Variants in DLGAP1 observed in about 807,000 individuals in gnomAD.
DLGAP1 encodes DLG associated protein 1, also known as disks large-associated protein 1.
In DLGAP1, 11 loss-of-function variants were observed where a neutral mutation model predicts 90.8. The observed-to-expected ratio is 0.12, with a 90% CI of 0.08 to 0.20. DLGAP1 has a LOEUF of 0.20. Ranked by LOEUF, DLGAP1 falls within the 10% of genes least tolerant of loss-of-function variation. The pLI is 1.00. For synonymous variants in DLGAP1, 558 were observed against 540.7 expected, an observed-to-expected ratio of 1.03 and a Z score of -0.44; for missense variants, 1,050 against 1,333.8, an observed-to-expected ratio of 0.79 and a Z score of 3.31.
At chr18:4,209,636 C>T (rs185994748) in intron 1 of DLGAP1, among the ~76,000 whole-genome samples, 132 of 152,144 alleles carry the variant, frequency 8.7e-4, no homozygotes, top group African/African-American at 3.0e-3. Context: ...TTGAGGGGAA[C>T]AAGAACATGT....
At chr18:3,761,041 GTC>G in intron 5 of DLGAP1, among the ~76,000 whole-genome samples, 1 of 152,284 alleles carries the variant, frequency 6.6e-6, no homozygotes, top group South Asian at 2.1e-4. Context: ...ACATCTGTCT[GTC>G]TCTCTGTCTT....
chr18:3,575,213 T>C (rs2055052182), intron 8 of DLGAP1, among the ~76,000 whole-genome samples: 1 of 152,190 alleles, frequency 6.6e-6, no homozygotes, highest in South Asian at 2.1e-4. Flanking sequence ...TGGACTTATT[T>C]CTTCACATAA....
chr18:3,814,531 A>T (rs2067003531), intron 4 of DLGAP1, among the ~76,000 whole-genome samples: 4 of 151,374 alleles, frequency 2.6e-5, no homozygotes, highest in Admixed American at 2.6e-4. Flanking sequence ...CTGGCTAATT[A>T]TTTGTATTTT....
intron 9 of DLGAP1, among the ~76,000 whole-genome samples, chr18:3,562,622 G>A (rs1284795606): frequency 2.1e-5 from 3 of 141,622 alleles, no homozygotes; most frequent in Non-Finnish European, 4.5e-5. Context: ...TCGGCTCACT[G>A]CAGCTTCCAC....
chr18:4,256,345 A>C (rs2078887245), intron 1 of DLGAP1, among the ~76,000 whole-genome samples: 1 of 152,202 alleles, frequency 6.6e-6, no homozygotes, highest in South Asian at 2.1e-4. Context: ...GGTTACAGTG[A>C]ACTATGACTG....
intron 5 of DLGAP1, among the ~76,000 whole-genome samples, chr18:3,791,387 T>C (rs920529626): frequency 6.6e-6 from 1 of 152,226 alleles, no homozygotes; most frequent in African/African-American, 2.4e-5. Context: ...GTTACTACAA[T>C]GGTGTCAGAA....
intron 2 of DLGAP1, among the ~76,000 whole-genome samples, chr18:4,056,680 G>A (rs761895668): frequency 6.6e-6 from 1 of 152,110 alleles, no homozygotes; most frequent in Non-Finnish European, 1.5e-5. Flanking sequence ...GTCTTATATA[G>A]TCTGGAGAAT....
chr18:4,123,597 G>A (rs1290529783), intron 2 of DLGAP1, among the ~76,000 whole-genome samples: 1 of 152,162 alleles, frequency 6.6e-6, no homozygotes, highest in Non-Finnish European at 1.5e-5. Context: ...TAGAAATGCT[G>A]ATCTACTCTT....
At chr18:4,428,351 C>T (rs546973240) in intron 1 of DLGAP1, among the ~76,000 whole-genome samples, 4 of 152,228 alleles carry the variant, frequency 2.6e-5, no homozygotes, top group East Asian at 1.9e-4. Context: ...GAGGCCAAGG[C>T]GGACGGATCA....
chr18:4,198,589 T>C (rs2077546168), intron 1 of DLGAP1, among the ~76,000 whole-genome samples: 1 of 152,200 alleles, frequency 6.6e-6, no homozygotes, highest in Non-Finnish European at 1.5e-5. Context: ...AACTTTTTAA[T>C]CTCGAAAATG....
At chr18:4,040,106 G>C (rs2074952940) in intron 2 of DLGAP1, among the ~76,000 whole-genome samples, 2 of 152,180 alleles carry the variant, frequency 1.3e-5, no homozygotes, top group African/African-American at 4.8e-5. Context: ...TTGCAGAACA[G>C]CTGTAGCCTA....
At chr18:4,411,999 G>A (rs2082789105) in intron 1 of DLGAP1, among the ~76,000 whole-genome samples, 2 of 152,162 alleles carry the variant, frequency 1.3e-5, no homozygotes, top group Admixed American at 1.3e-4. Context: ...GCTTATATAG[G>A]GAGAATGTCA....
intron 7 of DLGAP1, among the ~76,000 whole-genome samples, chr18:3,650,860 A>G (rs965329095): frequency 6.6e-6 from 1 of 151,814 alleles, no homozygotes; most frequent in Non-Finnish European, 1.5e-5. Flanking sequence ...TGAGGTCAGG[A>G]GTTGGAGACC....
At chr18:4,447,076 G>T (rs545761599) in intron 1 of DLGAP1, among the ~76,000 whole-genome samples, 66 of 152,242 alleles carry the variant, frequency 4.3e-4, no homozygotes, top group South Asian at 3.1e-3. Flanking sequence ...ATTGCTGTTG[G>T]GATCATAAAT....
Position 3,703,974 on chromosome 18 carries a change from A to G in DLGAP1, c.1591+25161T>C, listed in dbSNP as rs552816886. On this transcript the variant is annotated intron_variant, in intron 7 of 12. Coordinates refer to ENST00000315677, the MANE Select transcript of DLGAP1 (RefSeq NM_004746.4). ...AGTTCCCAGAGCAGCAGTCATGGCT[A>G]TATCAGGCAATTATACCATTGGGAA... 2.0e-5 allele frequency among the ~76,000 whole-genome samples: 3 copies of G among 152,342 alleles called. No individual in the cohort carries two copies. The East Asian group carries it at 5.8e-4, about 29-fold the overall frequency.
chr18:4,424,684 G>A (rs996026789), intron 1 of DLGAP1, among the ~76,000 whole-genome samples: 3 of 152,158 alleles, frequency 2.0e-5, no homozygotes, highest in African/African-American at 7.2e-5. Flanking sequence ...ATATCTGAAA[G>A]AGAAAAGTTA....
chr18:4,392,181 C>A lies in DLGAP1; in HGVS notation c.-267+62825G>T, dbSNP rs1168224834. On this transcript the variant is annotated intron_variant, in intron 1 of 12. Transcript: ENST00000315677. ...CGCCACCAGCAACCCAGATGGGTAGCCCAAAGCCTGTTGAGGGGCAGTTGG... is the reference window on the plus strand; with the variant it reads ...CGCCACCAGCAACCCAGATGGGTAGACCAAAGCCTGTTGAGGGGCAGTTGG... Among the ~76,000 whole-genome samples, 6 of 152,136 alleles carry A rather than the reference C, an allele frequency of 3.9e-5. No homozygotes were observed. In the East Asian group the frequency reaches 1.2e-3, roughly 29 times the overall value.
intron 1 of DLGAP1, among the ~76,000 whole-genome samples, chr18:4,372,137 G>A (rs1047711528): frequency 1.3e-5 from 2 of 152,122 alleles, no homozygotes; most frequent in East Asian, 3.9e-4. Context: ...GGGAGTTAAG[G>A]AGAAATGCAA....
chr18:4,085,811 T>C (rs777162161), intron 2 of DLGAP1, among the ~76,000 whole-genome samples: 1 of 152,224 alleles, frequency 6.6e-6, no homozygotes, highest in Non-Finnish European at 1.5e-5. Flanking sequence ...AAGTTATAGT[T>C]CTGCTGCTGT....
Sources: gnomAD v4.1 joint callset for allele counts (sites outside exome capture counted in the v4.1 genomes callset) on GRCh38, gnomAD v4.1.1 for gene constraint, MANE v1.5 for transcripts, NCBI Gene and HGNC (gene_info 2026-07-23, HGNC 2026-07-21) for gene names.